NLRC5: variants seen among roughly 807,000 people sequenced by gnomAD.
NLRC5 encodes NLR family CARD domain containing 5.
Under a neutral mutation model 206.9 loss-of-function variants are expected in NLRC5, and 114 were observed. The observed-to-expected ratio is 0.55, with a 90% CI of 0.47 to 0.64. The LOEUF (loss-of-function observed/expected upper bound fraction) is 0.64. NLRC5 is among the 30% of genes least tolerant of loss of function. NLRC5 has a pLI of 0.00. For synonymous variants in NLRC5, 952 were observed against 962.8 expected (o/e 0.99, Z 0.21); for missense variants, 2,008 against 2,305.5 (o/e 0.87, Z 2.64).
At chr16:57,023,908 C>T in intron 5 of NLRC5, 55 bp downstream of exon 5, 3 of 1,501,160 alleles carry the variant, frequency 2.0e-6, no homozygotes, top group Non-Finnish European at 2.7e-6. Context: ...GCCTGGGGGC[C>T]AAGACCCGGA....
At chr16:56,994,977 C>T (rs770886711) in intron 1 of NLRC5, among the ~76,000 whole-genome samples, 14 of 152,122 alleles carry the variant, frequency 9.2e-5, no homozygotes, top group Admixed American at 3.9e-4. Context: ...CAGTTTGAGA[C>T]CAGCCTGGCC....
At chr16:57,022,968 A>G (rs1211325145) in intron 4 of NLRC5, among the ~76,000 whole-genome samples, 1 of 152,196 alleles carries the variant, frequency 6.6e-6, no homozygotes, top group Non-Finnish European at 1.5e-5. Flanking sequence ...AGCTGGCATC[A>G]TTATCTCATG....
intron 27 of NLRC5, among the ~76,000 whole-genome samples, chr16:57,055,912 A>G (rs1301998181): frequency 6.6e-6 from 1 of 152,164 alleles, no homozygotes; most frequent in African/African-American, 2.4e-5. Context: ...AGTCTCTTGT[A>G]TTGTTGAGAT....
chr16:57,076,854 G>A lies in NLRC5; in HGVS notation c.4787G>A (p.Cys1596Tyr). ...AACAGTATCGGTGATGTCGGTTGCT[G>A]CCACCTTTCTGAGGCTCTCAGGGCT... ...NRNSIGDVGCCHLSEALRAAT... is the reference protein window; with the variant it reads ...NRNSIGDVGCYHLSEALRAAT... The change falls in exon 40 of 49, where the codon TGC becomes TAC. Residue 1596 changes from cysteine (C) to tyrosine (Y), a missense_variant. Cys to Tyr is a radical substitution (Grantham distance 194). Transcript: ENST00000688547. The A allele has an allele frequency of 1.2e-6, 2 of 1,614,114 alleles. No individual in the cohort carries two copies. Among genetic ancestry groups the A allele is most frequent in the Non-Finnish European group, 1.7e-6 (2 of 1,180,038 alleles).
At chr16:57,028,418 G>GGAGAT (rs768972262) in intron 8 of NLRC5, 33 bp downstream of exon 8, 4 of 1,552,328 alleles carry the variant, frequency 2.6e-6, no homozygotes, top group Non-Finnish European at 3.6e-6. Context: ...CACTGACTGG[G>GGAGAT]GAGATGAGCC....
rs368382343 is a variant in NLRC5, at chr16:57,067,844, A to T, written c.4499+16A>T. The T allele has an allele frequency of 1.3e-6, 2 of 1,596,884 alleles. No homozygotes were observed. The highest frequency in any genetic ancestry group is 2.7e-5 in the African/African-American group (2 of 74,552). ...AGACATTTCGGTATGTAGACAAGACATTCACTCAGTCCCCTTTGCAGCTCT... is the reference window on the plus strand; with the variant it reads ...AGACATTTCGGTATGTAGACAAGACTTTCACTCAGTCCCCTTTGCAGCTCT... On this transcript the variant is annotated intron_variant, in intron 36 of 48. Coordinates refer to ENST00000688547, the MANE Select transcript of NLRC5 (RefSeq NM_001384950.1).
chr16:57,051,939 A>G (rs2064972262), intron 24 of NLRC5, among the ~76,000 whole-genome samples: 1 of 152,152 alleles, frequency 6.6e-6, no homozygotes. Flanking sequence ...TGGGACTCAA[A>G]TAAGTTATTC....
At chr16:57,074,875 T>C (rs1195505046) in intron 39 of NLRC5, among the ~76,000 whole-genome samples, 192 bp downstream of exon 39, 6 of 152,158 alleles carry the variant, frequency 3.9e-5, no homozygotes, top group Non-Finnish European at 5.9e-5. Flanking sequence ...TCCTCCTGGT[T>C]ACAAAAGTGG....
chr16:57,054,207 A>G (rs1464180209), intron 24 of NLRC5, among the ~76,000 whole-genome samples: 2 of 152,210 alleles, frequency 1.3e-5, no homozygotes, highest in Middle Eastern at 6.8e-3. Flanking sequence ...TGCTACTGGC[A>G]TCGAATGAAT....
At chr16:57,050,030 A>T (rs2064649327) in intron 23 of NLRC5, among the ~76,000 whole-genome samples, 1 of 151,670 alleles carries the variant, frequency 6.6e-6, no homozygotes, top group Non-Finnish European at 1.5e-5. Context: ...GAATTCAAGC[A>T]CTGCAGGTCT....
intron 1 of NLRC5, chr16:56,990,687 G>A (rs1048531533): frequency 1.3e-5 from 2 of 152,300 alleles, no homozygotes; most frequent in East Asian, 3.9e-4. Flanking sequence ...TCTAAAACCC[G>A]GGGGTAGCAG....
rs1319571168 is a variant in NLRC5, at chr16:57,031,476, G to T, written c.2477+13G>T. On this transcript the variant is annotated intron_variant, in intron 11 of 48. Transcript: ENST00000688547. ...CAGAGCTACAAAGGTAAGAAGCCAA[G>T]AGGCGGTGGGCCTGGGGCCATCCTT... 6.2e-7 allele frequency: 1 copy of T among 1,613,658 alleles called. No homozygotes were observed. Among genetic ancestry groups the T allele is most frequent in the Non-Finnish European group, 8.5e-7 (1 of 1,179,960 alleles).
chr16:57,054,807 G>C lies in NLRC5; in HGVS notation c.3563G>C (p.Ser1188Thr). The C allele has an allele frequency of 6.2e-7, 1 of 1,614,214 alleles. No homozygotes were observed. Among genetic ancestry groups the C allele is most frequent in the Non-Finnish European group, 8.5e-7 (1 of 1,180,038 alleles). ...KSPFLLANTL[S>T]LCPRVKKVDL... ...CCCTTCCTGCTGGCCAACACCTTAA[G>C]CCTGTGTCCACGGGTTAAAAAGGTG... The change falls in exon 25 of 49, where the codon AGC (serine) becomes ACC (threonine). Residue 1188 changes from serine (S) to threonine (T), a missense_variant. Physicochemically the swap from Ser to Thr is moderately conservative, Grantham distance 58. Transcript: ENST00000688547.
At chr16:57,044,495 G>T (rs1406918385) in intron 20 of NLRC5, among the ~76,000 whole-genome samples, 1 of 152,068 alleles carries the variant, frequency 6.6e-6, no homozygotes, top group Non-Finnish European at 1.5e-5. Flanking sequence ...CCTTCCCTAA[G>T]GACCCCCAAG....
chr16:57,042,195 A>C, intron 19 of NLRC5, 130 bp downstream of exon 19: 23 of 508,134 alleles, frequency 4.5e-5, no homozygotes, highest in Admixed American at 4.1e-5. Flanking sequence ...CCCTAATACA[A>C]TGTAAGTTCT....
intron 25 of NLRC5, 44 bp downstream of exon 25, chr16:57,054,884 G>A: frequency 6.2e-7 from 1 of 1,600,414 alleles, no homozygotes; most frequent in Non-Finnish European, 8.6e-7. Flanking sequence ...CTGAAGGGTT[G>A]TGCCTGGAGT....
At chr16:57,052,914 C>G (rs1366553414) in intron 24 of NLRC5, 1 of 152,328 alleles carries the variant, frequency 6.6e-6, no homozygotes, top group African/African-American at 2.4e-5. Context: ...ACAGCTTCAC[C>G]CCTGACTCCT....
chr16:57,066,735 G>A (rs1567633094), intron 34 of NLRC5, 121 bp downstream of exon 34: 1 of 888,694 alleles, frequency 1.1e-6, no homozygotes, highest in Non-Finnish European at 1.8e-6. Flanking sequence ...CTTTACACAG[G>A]CTACAGAGGT....
chr16:57,074,129 C>G (rs1233489611), intron 38 of NLRC5: 1 of 159,494 alleles, frequency 6.3e-6, no homozygotes, highest in East Asian at 1.7e-4. Flanking sequence ...GTACAATCGC[C>G]TGGGTCACAT....
Sources: allele counts gnomAD v4.1 joint callset (sites outside exome capture counted in the v4.1 genomes callset), GRCh38; gene constraint gnomAD v4.1.1; transcripts MANE v1.5; gene names NCBI Gene and HGNC (gene_info 2026-07-23, HGNC 2026-07-21).